SYNE2: variants seen among roughly 807,000 people sequenced by gnomAD.
SYNE2 encodes the protein spectrin repeat containing nuclear envelope protein 2.
A neutral mutation model predicts 856.3 loss-of-function variants in SYNE2; 431 were observed. The observed-to-expected ratio is 0.50, with a 90% CI of 0.47 to 0.55. SYNE2 has a LOEUF of 0.55. SYNE2 is among the 20% of genes least tolerant of loss of function. SYNE2 has a pLI of 0.00. For synonymous variants in SYNE2, 2,923 were observed against 2,872.3 expected (o/e 1.02, Z -0.56); for missense variants, 8,129 against 8,023.2 (o/e 1.01, Z -0.50).
chr14:64,086,711 T>C (rs1286040882), intron 57 of SYNE2, among the ~76,000 whole-genome samples: 2 of 139,008 alleles, frequency 1.4e-5, no homozygotes, highest in African/African-American at 5.4e-5. Context: ...TCTTTTTTTT[T>C]TTTTTTTTTT....
intron 7 of SYNE2, 103 bp from the exon 8 acceptor site, chr14:63,954,616 A>G (rs1054741680): frequency 1.0e-6 from 1 of 990,390 alleles, no homozygotes; most frequent in African/African-American, 1.6e-5. Flanking sequence ...TGATGTATCT[A>G]ATTTACTTGA....
At chr14:64,131,032 A>G (rs2098014515) in intron 76 of SYNE2, among the ~76,000 whole-genome samples, 1 of 152,260 alleles carries the variant, frequency 6.6e-6, no homozygotes. Context: ...AACTAAAGAT[A>G]AAGAGTAATC....
At chr14:64,206,214 G>C (rs1290472047) in intron 100 of SYNE2, among the ~76,000 whole-genome samples, 1 of 152,204 alleles carries the variant, frequency 6.6e-6, no homozygotes, top group Non-Finnish European at 1.5e-5. Flanking sequence ...TGTGTCACCT[G>C]CCCAGGGGCA....
At chr14:64,056,354 T>C in intron 49 of SYNE2, 88 bp downstream of exon 49, 2 of 1,277,000 alleles carry the variant, frequency 1.6e-6, no homozygotes, top group Non-Finnish European at 2.2e-6. Flanking sequence ...TTTAAGAACA[T>C]AAAATATAGG....
chr14:64,052,883 T>C lies in SYNE2; in HGVS notation c.8970T>C (p.Ala2990=). The part of the protein sequence containing the change: ...EIYNLKDRLT[A]IKCCILQVLK... ...ATAATCTTAAAGACAGACTCACCGC[T>C]ATTAAGTGTTGCATCTTACAGGTAT... is the stretch of plus-strand genomic sequence containing the variant. Residue 2990 remains alanine (A), a synonymous_variant, in exon 48 of 116, where the codon GCT becomes GCC. Coordinates refer to ENST00000555002, the MANE Select transcript of SYNE2 (RefSeq NM_182914.3). The C allele has an allele frequency of 2.5e-6, 4 of 1,613,860 alleles. No individual in the cohort carries two copies. Among genetic ancestry groups the C allele is most frequent in the Non-Finnish European group, 3.4e-6 (4 of 1,179,972 alleles).
intron 1 of SYNE2, among the ~76,000 whole-genome samples, chr14:63,837,812 G>A (rs888158826): frequency 2.0e-5 from 3 of 151,004 alleles, no homozygotes; most frequent in Admixed American, 6.6e-5. Flanking sequence ...CCAGCTGCTT[G>A]GGAGGCTGAG....
At chr14:64,037,059 T>C (rs535281909) in intron 45 of SYNE2, among the ~76,000 whole-genome samples, 1 of 151,920 alleles carries the variant, frequency 6.6e-6, no homozygotes, top group Admixed American at 6.5e-5. Context: ...GAACAGAGAC[T>C]GGAAGTGTCA....
intron 67 of SYNE2, among the ~76,000 whole-genome samples, chr14:64,120,546 C>T (rs2097890328): frequency 6.6e-6 from 1 of 151,806 alleles, no homozygotes; most frequent in Admixed American, 6.6e-5. Context: ...GGCAGATCAC[C>T]TGAGGTCAGG....
chr14:63,880,850 A>ATT (rs879905508), intron 1 of SYNE2, among the ~76,000 whole-genome samples: 4 of 137,950 alleles, frequency 2.9e-5, no homozygotes, highest in African/African-American at 2.7e-5. Flanking sequence ...TTTAAAAAAA[A>ATT]TTTTTTTTTT....
Position 64,080,448 on chromosome 14 carries a change from T to C in SYNE2, c.11164-8T>C. ...TCATTCAAGTTGACTTACGATTTCC[T>C]TCTCCAGAAAATGTGGGACGAGTTA... On this transcript the variant is annotated splice_region_variant and splice_polypyrimidine_tract_variant and intron_variant, in intron 55 of 115. Transcript: ENST00000555002. 6.2e-7 allele frequency: 1 copy of C among 1,614,090 alleles called. No individual in the cohort carries two copies. The highest frequency in any genetic ancestry group is 2.2e-5 in the East Asian group (1 of 44,878).
At chr14:64,001,678 G>A (rs942867073) in intron 28 of SYNE2, among the ~76,000 whole-genome samples, 4 of 152,190 alleles carry the variant, frequency 2.6e-5, no homozygotes, top group Non-Finnish European at 5.9e-5. Flanking sequence ...ATAAATGTAT[G>A]TTGAATGAAT....
chr14:64,154,253 G>A (rs3891650), intron 85 of SYNE2, among the ~76,000 whole-genome samples: 8,802 of 150,836 alleles, frequency 0.058, 364 homozygotes, highest in Middle Eastern at 0.1. Context: ...ATGACTTCAT[G>A]GATTAGGCAG....
chr14:64,122,623 C>T lies in SYNE2; in HGVS notation c.13422+196C>T, dbSNP rs2097906364. Reference sequence around the variant, plus strand: ...TGCTTCTGTAGCACCCAGGGCTTCCCTCATCAGAGCTGTTATTTATAACAA... The same window carrying T: ...TGCTTCTGTAGCACCCAGGGCTTCCTTCATCAGAGCTGTTATTTATAACAA... On this transcript the variant is annotated intron_variant, in intron 70 of 115. Coordinates refer to ENST00000555002, the MANE Select transcript of SYNE2 (RefSeq NM_182914.3). 17 of 670,184 alleles carry T rather than the reference C, an allele frequency of 2.5e-5. No individual in the cohort carries two copies. The South Asian group carries it at 3.1e-4, about 12-fold the overall frequency. The allele number at this position is 670,184 out of a possible 1,614,324, so 41.5% of individuals were successfully genotyped here.
At chr14:64,082,167 C>T (rs2097529525) in intron 57 of SYNE2, among the ~76,000 whole-genome samples, 1 of 151,944 alleles carries the variant, frequency 6.6e-6, no homozygotes, top group East Asian at 1.9e-4. Flanking sequence ...TATTCCCATC[C>T]TCTGGTGTAT....
At chr14:63,842,172 T>C (rs1217789373) in intron 1 of SYNE2, among the ~76,000 whole-genome samples, 1 of 151,474 alleles carries the variant, frequency 6.6e-6, no homozygotes, top group Non-Finnish European at 1.5e-5. Context: ...GTTTGTTTGT[T>C]TGTTGTTGTT....
chr14:63,781,478 CT>C lies in SYNE2; in HGVS notation c.-305+19501del, dbSNP rs903714088. On this transcript the variant is annotated intron_variant, in intron 1 of 23. Coordinates refer to the SYNE2 transcript ENST00000674003. ...GTATATAGGAAGATAATGAAAGCCA[CT>C]TTTTTTTTCTTTTTTTTTTCTTGGA... is the stretch of plus-strand genomic sequence containing the variant. 1.9e-4 allele frequency among the ~76,000 whole-genome samples: 29 copies of C among 150,748 alleles called. No homozygotes were observed. In the East Asian group the frequency reaches 2.3e-3, roughly 12 times the overall value.
At chr14:64,165,715 T>C (rs1467183813) in intron 90 of SYNE2, among the ~76,000 whole-genome samples, 6 of 152,108 alleles carry the variant, frequency 3.9e-5, no homozygotes, top group African/African-American at 1.4e-4. Flanking sequence ...AGTTTTACCA[T>C]ATTGGCCAAG....
intron 1 of SYNE2, among the ~76,000 whole-genome samples, chr14:63,808,129 T>C (rs1888455094): frequency 1.3e-5 from 2 of 150,602 alleles, no homozygotes; most frequent in Admixed American, 6.7e-5. Context: ...GGTTTTGCTA[T>C]GTTGCCCATA....
At chr14:64,141,807 GGTTT>G in intron 81 of SYNE2, 131 bp from the exon 82 acceptor site, 1 of 1,203,436 alleles carries the variant, frequency 8.3e-7, no homozygotes, top group South Asian at 1.4e-5. Context: ...TTGAATGCTG[GGTTT>G]GTTTTTTTTT....
Sources: gnomAD v4.1 joint callset for allele counts (sites outside exome capture counted in the v4.1 genomes callset) on GRCh38, gnomAD v4.1.1 for gene constraint, MANE v1.5 for transcripts, NCBI Gene and HGNC (gene_info 2026-07-23, HGNC 2026-07-21) for gene names.